NFIC: variants seen among roughly 807,000 people sequenced by gnomAD.
The protein encoded by NFIC is nuclear factor I C.
In NFIC, 12 loss-of-function variants were observed where a neutral mutation model predicts 54.4. That is an observed-to-expected ratio of 0.22 (90% CI 0.14 to 0.36). The LOEUF (loss-of-function observed/expected upper bound fraction) is 0.36. Ranked by LOEUF, NFIC falls within the 10% of genes least tolerant of loss-of-function variation. The pLI is 1.00. For synonymous variants in NFIC, 322 were observed against 319.2 expected, an observed-to-expected ratio of 1.01 and a Z score of -0.09; for missense variants, 575 against 718.2, an observed-to-expected ratio of 0.80 and a Z score of 2.28.
intron 7 of NFIC, among the ~76,000 whole-genome samples, chr19:3,450,322 G>A (rs113130553): frequency 0.032 from 4,728 of 148,934 alleles, 87 homozygotes; most frequent in Non-Finnish European, 0.052. Context: ...TCCAGCCTGG[G>A]TGACAGAGCG....
intron 2 of NFIC, among the ~76,000 whole-genome samples, chr19:3,404,808 G>C (rs937060798): frequency 1.3e-5 from 2 of 152,194 alleles, no homozygotes; most frequent in Non-Finnish European, 2.9e-5. Context: ...GCAGGCCTCC[G>C]AGCAGGGGCC....
At position 3,467,223 on chromosome 19, in the gene NFIC, C is replaced by G. The variant is rs1425062668; in HGVS notation, c.*4454C>G. The G allele has an allele frequency of 9.7e-5, 12 of 123,978 alleles. No homozygotes were observed. The highest frequency in any genetic ancestry group is 3.5e-4 in the South Asian group (1 of 2,862). The allele number at this position is 123,978 out of a possible 1,614,324, so 7.7% of individuals were successfully genotyped here. A position where few individuals can be genotyped will look rare whatever the true frequency, so the allele number is the denominator to read the frequency against. On this transcript the variant is annotated 3_prime_UTR_variant, in exon 11 of 11. Coordinates refer to ENST00000443272, the MANE Select transcript of NFIC (RefSeq NM_001245002.2). ...CACACCTATGCCAGGCCCCCCCCCC[C>G]ACCCCAGTCTCATTCTGGGGTCTGC...
At chr19:3,367,793 G>A (rs2080924203) in intron 1 of NFIC, among the ~76,000 whole-genome samples, 1 of 152,216 alleles carries the variant, frequency 6.6e-6, no homozygotes, top group Admixed American at 6.5e-5. Context: ...CCGGCACGTG[G>A]GGGGTGCGAT....
In NFIC at chr19:3,464,089, C is replaced by T. The variant is rs1278064562; in HGVS notation, c.*1320C>T. ...GAAGCCGGTGCGCCCCCCACGCCTCCGCTGCCAGTGCCTTACATTCTGGAG... is the reference window on the plus strand; with the variant it reads ...GAAGCCGGTGCGCCCCCCACGCCTCTGCTGCCAGTGCCTTACATTCTGGAG... On this transcript the variant is annotated 3_prime_UTR_variant, in exon 11 of 11. Coordinates refer to ENST00000443272, the MANE Select transcript of NFIC (RefSeq NM_001245002.2). The T allele has an allele frequency of 1.1e-5, 11 of 985,252 alleles. No homozygotes were observed. The highest frequency in any genetic ancestry group is 1.2e-5 in the Non-Finnish European group (10 of 829,940). 61.0% of individuals were successfully genotyped at this position (985,252 alleles called of 1,614,324 possible). A position where few individuals can be genotyped will look rare whatever the true frequency, so the allele number is the denominator to read the frequency against.
intron 6 of NFIC, among the ~76,000 whole-genome samples, chr19:3,440,988 G>C (rs1433490416): frequency 1.3e-5 from 2 of 152,014 alleles, no homozygotes; most frequent in African/African-American, 2.4e-5. Flanking sequence ...GCTATTTTTT[G>C]TACTTTTTGT....
chr19:3,381,435 G>A (rs1450436090), intron 1 of NFIC, among the ~76,000 whole-genome samples: 2 of 146,398 alleles, frequency 1.4e-5, no homozygotes, highest in East Asian at 2.0e-4. Context: ...ACAAACTTCC[G>A]CCTTGATTTG....
chr19:3,367,468 C>T (rs1280981034), intron 1 of NFIC, among the ~76,000 whole-genome samples: 6 of 140,480 alleles, frequency 4.3e-5, no homozygotes, highest in African/African-American at 1.5e-4. Flanking sequence ...CGGCACCTGC[C>T]CCGTCCCCTC....
At position 3,464,324 on chromosome 19, in the gene NFIC, G is replaced by A. The variant is rs1194139580; in HGVS notation, c.*1555G>A. ...TTGGGGCCCCCCGCAGCCGTGTAGG[G>A]GGCCTCCCATCTGCTAAGCGTTTTT... On this transcript the variant is annotated 3_prime_UTR_variant, in exon 11 of 11. Transcript: ENST00000443272. The A allele has an allele frequency of 2.0e-6, 2 of 984,990 alleles. No homozygotes were observed. Among genetic ancestry groups the A allele is most frequent in the Non-Finnish European group, 1.2e-6 (1 of 829,782 alleles). The allele number at this position is 984,990 out of a possible 1,614,324, so 61.0% of individuals were successfully genotyped here.
chr19:3,431,467 C>G (rs1244776793), intron 3 of NFIC, among the ~76,000 whole-genome samples: 1 of 147,342 alleles, frequency 6.8e-6, no homozygotes, highest in Non-Finnish European at 1.5e-5. Flanking sequence ...CTCCAGGGCT[C>G]GAGCTATCCT....
At chr19:3,393,540 C>T (rs559505007) in intron 2 of NFIC, among the ~76,000 whole-genome samples, 3 of 151,598 alleles carry the variant, frequency 2.0e-5, no homozygotes, top group Non-Finnish European at 2.9e-5. Flanking sequence ...GTTGGCTGGG[C>T]GTGGTGGCTC....
rs773900864 is a variant in NFIC, at chr19:3,449,076, C to G, written c.1021C>G (p.Gln341Glu). ...GTCACCATTCAACAGCCCGTCCCCC[C>G]AGGACTCTCCCCGCCTCTCCAGCTT... is the stretch of plus-strand genomic sequence containing the variant. ...DKSPFNSPSP[Q>E]DSPRLSSFTQ... The change falls in exon 7 of 11, where the codon CAG (glutamine) becomes GAG (glutamate). Residue 341 changes from glutamine to glutamate, a missense_variant. By Grantham distance (29) the Gln-to-Glu change is conservative (BLOSUM62 2). This residue lies in a region of NFIC where 447 missense variants were observed against 526.9 expected (regional missense o/e 0.85). Transcript: ENST00000443272. The G allele has an allele frequency of 1.2e-6, 2 of 1,613,454 alleles. No homozygotes were observed. Among genetic ancestry groups the G allele is most frequent in the African/African-American group, 2.7e-5 (2 of 74,882 alleles).
At chr19:3,428,507 CCTT>C (rs929776241) in intron 3 of NFIC, among the ~76,000 whole-genome samples, 17 of 151,466 alleles carry the variant, frequency 1.1e-4, no homozygotes, top group Non-Finnish European at 2.4e-4. Flanking sequence ...GGTGAGGCGT[CCTT>C]CTTGGAAGGA....
intron 10 of NFIC, 161 bp downstream of exon 10, chr19:3,456,796 C>G: frequency 1.4e-6 from 1 of 715,374 alleles, no homozygotes; most frequent in South Asian, 1.7e-5. Flanking sequence ...CCCACCTGGC[C>G]TCTCCCTGAG....
At chr19:3,360,852 C>G (rs1182305941) in intron 1 of NFIC, among the ~76,000 whole-genome samples, 1 of 152,038 alleles carries the variant, frequency 6.6e-6, no homozygotes, top group East Asian at 1.9e-4. Flanking sequence ...TGGGGGGGGT[C>G]GCCAGGGAGT....
At chr19:3,403,647 C>A (rs1334211567) in intron 2 of NFIC, among the ~76,000 whole-genome samples, 3 of 152,228 alleles carry the variant, frequency 2.0e-5, no homozygotes, top group Admixed American at 6.5e-5. Context: ...CTCGGAATTG[C>A]GGAGAGCCCT....
intron 2 of NFIC, among the ~76,000 whole-genome samples, chr19:3,394,871 T>C (rs2081437873): frequency 6.6e-6 from 1 of 152,064 alleles, no homozygotes; most frequent in Non-Finnish European, 1.5e-5. Context: ...TAATGTCTAA[T>C]GTCTAGTTTC....
At chr19:3,381,038 G>A (rs376813554) in intron 1 of NFIC, among the ~76,000 whole-genome samples, 7 of 152,072 alleles carry the variant, frequency 4.6e-5, no homozygotes, top group African/African-American at 1.7e-4. Flanking sequence ...ACAATGGGTT[G>A]TCCATGAGCC....
chr19:3,445,075 G>C (rs145476480), intron 6 of NFIC, among the ~76,000 whole-genome samples: 1 of 151,966 alleles, frequency 6.6e-6, no homozygotes, highest in East Asian at 1.9e-4. Context: ...ATATGCAGGC[G>C]TGCACACGTC....
chr19:3,416,789 CTG>C (rs1242331798), intron 2 of NFIC, among the ~76,000 whole-genome samples: 2 of 151,730 alleles, frequency 1.3e-5, no homozygotes, highest in African/African-American at 2.4e-5. Flanking sequence ...TCCCAAAGCA[CTG>C]GGATTACAGG....
Sources: gnomAD v4.1 joint callset for allele counts (sites outside exome capture counted in the v4.1 genomes callset) on GRCh38, gnomAD v4.1.1 for gene constraint, gnomAD v4.1.1 regional missense constraint, MANE v1.5 for transcripts, NCBI Gene and HGNC (gene_info 2026-07-23, HGNC 2026-07-21) for gene names.